The following DLG1 variants were observed in gnomAD, a reference collection of about 807,000 sequenced individuals.
The protein encoded by DLG1 is disks large homolog 1.
Under a neutral mutation model 123.4 loss-of-function variants are expected in DLG1, and 42 were observed. The observed-to-expected ratio is 0.34, with a 90% CI of 0.27 to 0.44. The LOEUF is 0.44. Ranked by LOEUF, DLG1 falls within the 20% of genes least tolerant of loss-of-function variation. DLG1 has a pLI of 1.00. For missense variants in DLG1, 942 were observed against 1,082.6 expected (o/e 0.87, Z 1.82); for synonymous variants, 317 against 356.2 (o/e 0.89, Z 1.24).
intron 4 of DLG1, among the ~76,000 whole-genome samples, chr3:197,280,124 C>G (rs1428845052): frequency 6.6e-6 from 1 of 152,164 alleles, no homozygotes; most frequent in Non-Finnish European, 1.5e-5. Flanking sequence ...ACCATCCTCT[C>G]TTCATCTTTT....
rs1577077850 is a variant in DLG1 at position 197,147,950 on chromosome 3, G to C, written c.537+1793C>G. Among the ~76,000 whole-genome samples, 3 of 149,886 alleles carry C rather than the reference G, an allele frequency of 2.0e-5. 1 individual carries two copies. Among genetic ancestry groups the C allele is most frequent in the Admixed American group, 2.0e-4 (3 of 15,026 alleles). On this transcript the variant is annotated intron_variant, in intron 6 of 24. Transcript: ENST00000667157. ...TGCCAGTGACATGATCTTGTATATA[G>C]AAAATTCAAACTACATAACTACCAG...
chr3:197,202,730 G>T (rs1299946750), intron 4 of DLG1, among the ~76,000 whole-genome samples: 3 of 152,174 alleles, frequency 2.0e-5, no homozygotes, highest in African/African-American at 7.2e-5. Flanking sequence ...AACAAGAAGT[G>T]TAATTGCCTA....
At chr3:197,051,250 G>A (rs1444254906) in intron 24 of DLG1, among the ~76,000 whole-genome samples, 2 of 152,092 alleles carry the variant, frequency 1.3e-5, no homozygotes, top group African/African-American at 2.4e-5. Context: ...GCAGGTGCCT[G>A]TAATCCCAGC....
intron 23 of DLG1, among the ~76,000 whole-genome samples, chr3:197,053,569 C>T (rs552506879): frequency 3.3e-5 from 5 of 151,582 alleles, no homozygotes; most frequent in African/African-American, 4.8e-5. Context: ...GTCAGGACTT[C>T]GGGACCAGCC....
intron 6 of DLG1, among the ~76,000 whole-genome samples, chr3:197,145,057 A>T (rs9845234): frequency 0.073 from 6,895 of 94,236 alleles, 275 homozygotes; most frequent in African/African-American, 0.15. Flanking sequence ...TCTCTCTCTC[A>T]CACACACACA....
chr3:197,078,179 T>C (rs1021389208), intron 17 of DLG1, among the ~76,000 whole-genome samples: 3 of 149,392 alleles, frequency 2.0e-5, no homozygotes, highest in Non-Finnish European at 4.4e-5. Context: ...CTGGGAGCAG[T>C]GGTGTGCGAC....
At chr3:197,052,958 AATT>A (rs1382355370) in intron 23 of DLG1, among the ~76,000 whole-genome samples, 25 of 152,248 alleles carry the variant, frequency 1.6e-4, no homozygotes, top group Admixed American at 9.8e-4. Flanking sequence ...TTTATCAAAT[AATT>A]ATTATTTTAA....
intron 4 of DLG1, among the ~76,000 whole-genome samples, chr3:197,242,478 A>T (rs537283153): frequency 6.6e-6 from 1 of 152,224 alleles, no homozygotes; most frequent in East Asian, 1.9e-4. Context: ...CAACTGCTGG[A>T]GAATACACAT....
At chr3:197,254,816 T>C (rs1412591911) in intron 4 of DLG1, among the ~76,000 whole-genome samples, 1 of 151,730 alleles carries the variant, frequency 6.6e-6, no homozygotes, top group Non-Finnish European at 1.5e-5. Context: ...CCTTGAGAGG[T>C]TGGTGGATCA....
chr3:197,242,030 C>G (rs1234124710), intron 4 of DLG1, among the ~76,000 whole-genome samples: 1 of 151,994 alleles, frequency 6.6e-6, no homozygotes, highest in East Asian at 1.9e-4. Context: ...GAAACAAGAC[C>G]CAATTCCATG....
intron 3 of DLG1, among the ~76,000 whole-genome samples, chr3:197,289,204 A>T (rs926471295): frequency 6.6e-6 from 1 of 152,242 alleles, no homozygotes; most frequent in Non-Finnish European, 1.5e-5. Flanking sequence ...AAGGCTTTTC[A>T]GGGATAATTT....
At chr3:197,192,756 T>C (rs1431803105) in intron 5 of DLG1, among the ~76,000 whole-genome samples, 2 of 152,118 alleles carry the variant, frequency 1.3e-5, no homozygotes, top group African/African-American at 2.4e-5. Flanking sequence ...GTAAGGGTGG[T>C]GGCAAACAGG....
intron 4 of DLG1, among the ~76,000 whole-genome samples, chr3:197,241,249 A>C (rs1290943695): frequency 6.6e-6 from 1 of 152,096 alleles, no homozygotes; most frequent in Non-Finnish European, 1.5e-5. Flanking sequence ...GAACATTTTT[A>C]ATGTGCTCAA....
At chr3:197,275,164 C>T (rs1053780658) in intron 4 of DLG1, among the ~76,000 whole-genome samples, 10 of 144,168 alleles carry the variant, frequency 6.9e-5, no homozygotes, top group African/African-American at 1.5e-4. Context: ...CCAGCCTGGG[C>T]GACAGAGCAA....
At chr3:197,071,288 T>C (rs1460086883) in intron 18 of DLG1, among the ~76,000 whole-genome samples, 2 of 152,168 alleles carry the variant, frequency 1.3e-5, no homozygotes, top group African/African-American at 4.8e-5. Context: ...AGTTGACAAT[T>C]ATGAAAGCTG....
intron 4 of DLG1, among the ~76,000 whole-genome samples, chr3:197,194,800 G>C (rs1212035471): frequency 6.6e-6 from 1 of 152,022 alleles, no homozygotes; most frequent in African/African-American, 2.4e-5. Context: ...ATAATTCAAA[G>C]CTAGGTGACA....
At position 197,229,284 on chromosome 3, in the gene DLG1, G is replaced by GC. The variant is rs1741603391; in HGVS notation, c.319-34696_319-34695insG. On this transcript the variant is annotated intron_variant, in intron 4 of 24. Transcript: ENST00000667157. Reference sequence around the variant, plus strand: ...AAAGTGGGAGGATTACTTGAGGCCAGAAGTTCGAGACCAGCCTAGTCAACA... The same window carrying GC: ...AAAGTGGGAGGATTACTTGAGGCCAGCAAGTTCGAGACCAGCCTAGTCAACA... Among the ~76,000 whole-genome samples, 3 of 151,776 alleles carry GC rather than the reference G, an allele frequency of 2.0e-5. 1 individual carries two copies. The South Asian group carries it at 6.2e-4, about 32-fold the overall frequency.
At chr3:197,121,745 T>C (rs1462321478) in intron 11 of DLG1, among the ~76,000 whole-genome samples, 1 of 149,290 alleles carries the variant, frequency 6.7e-6, no homozygotes, top group African/African-American at 2.5e-5. Flanking sequence ...AAAAATTGTT[T>C]TCCAATTTTG....
At chr3:197,278,844 T>C (rs1017527831) in intron 4 of DLG1, among the ~76,000 whole-genome samples, 17 of 152,176 alleles carry the variant, frequency 1.1e-4, no homozygotes, top group Non-Finnish European at 2.2e-4. Flanking sequence ...TTAACTACTT[T>C]TAGCAAAAAT....
Sources: gnomAD v4.1 joint callset for allele counts (sites outside exome capture counted in the v4.1 genomes callset) on GRCh38, gnomAD v4.1.1 for gene constraint, MANE v1.5 for transcripts, NCBI Gene and HGNC (gene_info 2026-07-23, HGNC 2026-07-21) for gene names.